Variants in DMD observed in about 807,000 individuals in gnomAD.
DMD encodes the protein mutant dystrophin.
DMD carries 63 observed loss-of-function variants against 330.1 expected under a neutral mutation model. That is an observed-to-expected ratio of 0.19 (90% CI 0.16 to 0.24). The LOEUF (loss-of-function observed/expected upper bound fraction) is 0.24, where lower values mean the gene tolerates loss of function less well. DMD is among the 10% of genes least tolerant of loss of function. DMD has a pLI of 1.00. For synonymous variants in DMD, 1,223 were observed against 959.8 expected, an observed-to-expected ratio of 1.27 and a Z score of -5.07; for missense variants, 3,344 against 2,684.1, an observed-to-expected ratio of 1.25 and a Z score of -5.43.
intron 2 of DMD, among the ~76,000 whole-genome samples, chrX:32,954,995 A>C (rs1272844880): frequency 1.8e-5 from 2 of 111,899 alleles, no homozygotes; most frequent in Admixed American, 9.5e-5. Flanking sequence ...TAGTGCTGCA[A>C]TGAACATACG....
At chrX:31,850,991 T>A (rs898064431) in intron 48 of DMD, among the ~76,000 whole-genome samples, 1 of 112,509 alleles carries the variant, frequency 8.9e-6, no homozygotes, top group African/African-American at 3.2e-5. Context: ...TGAAATGGAA[T>A]CAATATTGTG....
At chrX:31,445,876 C>G (rs1371385109) in intron 59 of DMD, among the ~76,000 whole-genome samples, 1 of 112,047 alleles carries the variant, frequency 8.9e-6, no homozygotes, top group African/African-American at 3.2e-5. Context: ...CCAAATGTTC[C>G]AATAAGCAAT....
At chrX:32,679,598 T>A (rs1427165048) in intron 9 of DMD, among the ~76,000 whole-genome samples, 1 of 110,348 alleles carries the variant, frequency 9.1e-6, no homozygotes, top group Non-Finnish European at 1.9e-5. Flanking sequence ...TGTCAGGCAG[T>A]GAGAAAAAAT....
intron 44 of DMD, among the ~76,000 whole-genome samples, chrX:32,199,552 A>C: frequency 9.4e-6 from 1 of 106,079 alleles, no homozygotes; most frequent in Non-Finnish European, 1.9e-5. Context: ...AGGGGTGTGA[A>C]GGGGGAGGGG....
intron 47 of DMD, among the ~76,000 whole-genome samples, chrX:31,881,281 G>A (rs990111481): frequency 1.8e-5 from 2 of 109,901 alleles, no homozygotes; most frequent in Admixed American, 9.7e-5. Context: ...GGCCAGGCGC[G>A]GTGGCTCACG....
At chrX:33,158,505 C>T (rs1010086243) in intron 1 of DMD, among the ~76,000 whole-genome samples, 5 of 111,466 alleles carry the variant, frequency 4.5e-5, no homozygotes, top group African/African-American at 1.6e-4. Flanking sequence ...GTTCCTTGAC[C>T]TCCCCTCTGA....
chrX:32,827,729 C>G (rs1352788314), intron 4 of DMD, among the ~76,000 whole-genome samples: 2 of 105,793 alleles, frequency 1.9e-5, no homozygotes, highest in Non-Finnish European at 3.9e-5. Flanking sequence ...GGCACGATCT[C>G]GGCTCACCAC....
At position 33,177,387 on chromosome X, in the gene DMD, T is replaced by C. The variant is rs914223585; in HGVS notation, c.31+33895A>G. On this transcript the variant is annotated intron_variant, in intron 1 of 78. Coordinates refer to ENST00000357033, the MANE Select transcript of DMD (RefSeq NM_004006.3). ...CAAACGGAAATTTTATTTTATTTTG[T>C]TTTATTTATTTTTTTGAGACAGGGT... Among the ~76,000 whole-genome samples the C allele has an allele frequency of 5.9e-4, 66 of 111,435 alleles. No homozygotes were observed. The East Asian group carries it at 0.016, about 28-fold the overall frequency.
At position 31,168,765 on chromosome X, in the gene DMD, T is replaced by C. The variant is rs138609348; in HGVS notation, c.10553+678A>G. Reference sequence around the variant, plus strand: ...CAAGGGACCTGTGACATAATAAATGTAATACAGAACTGAAAGTCCAATGAT... The same window carrying C: ...CAAGGGACCTGTGACATAATAAATGCAATACAGAACTGAAAGTCCAATGAT... On this transcript the variant is annotated intron_variant, in intron 74 of 78. Transcript: ENST00000357033. 2.5e-3 allele frequency among the ~76,000 whole-genome samples: 283 copies of C among 112,182 alleles called. 7 individuals carry two copies. The East Asian group carries it at 0.069, about 27-fold the overall frequency.
Position 31,957,057 on chromosome X carries a change from G to A in DMD, c.6614+11282C>T, listed in dbSNP as rs972243698. On this transcript the variant is annotated intron_variant, in intron 45 of 78. Transcript: ENST00000357033. ...TACATCTAGTGTATGGGGGCCAGAC[G>A]TCGTGGCACATGCCTGTAATCCCAG... Among the ~76,000 whole-genome samples the A allele has an allele frequency of 5.4e-5, 6 of 111,835 alleles. No individual in the cohort carries two copies. The East Asian group carries it at 1.1e-3, about 21-fold the overall frequency.
intron 16 of DMD, among the ~76,000 whole-genome samples, chrX:32,559,063 G>A (rs1350972810): frequency 9.9e-6 from 1 of 100,658 alleles, no homozygotes; most frequent in African/African-American, 3.7e-5. Context: ...CAATTCTCCT[G>A]CCTCAGCCTC....
intron 29 of DMD, among the ~76,000 whole-genome samples, chrX:32,416,901 G>A (rs960491053): frequency 2.7e-5 from 3 of 111,725 alleles, no homozygotes; most frequent in African/African-American, 9.8e-5. Context: ...AGTGGATCAA[G>A]CAATAGTTCA....
intron 43 of DMD, among the ~76,000 whole-genome samples, chrX:32,267,568 A>G (rs1181405641): frequency 8.9e-6 from 1 of 112,352 alleles, no homozygotes. Flanking sequence ...AGCAAGTCAT[A>G]GAAGCCTCCA....
chrX:32,491,719 A>G (rs1389960129), intron 19 of DMD, among the ~76,000 whole-genome samples: 1 of 112,054 alleles, frequency 8.9e-6, no homozygotes, highest in African/African-American at 3.2e-5. Flanking sequence ...CACAACAATG[A>G]ATATCAATGC....
rs199974153 is a variant in DMD at position 31,147,411 on chromosome X, C to A, written c.10661G>T (p.Arg3554Leu). The change falls in exon 75 of 79, where the codon CGG (arginine) becomes CTG (leucine). Residue 3554 changes from arginine to leucine, a missense_variant. Transcript: ENST00000357033. ...GGCCTCAGCAATGAGCTCAGCATCC[C>A]GGGGACTCTGGGGAGAGGTGGGCAT... ...EMMPTSPQSPRDAELIAEAKL... is the reference protein window; with the variant it reads ...EMMPTSPQSPLDAELIAEAKL... The A allele has an allele frequency of 1.7e-6, 2 of 1,209,549 alleles. No individual in the cohort carries two copies. The highest frequency in any genetic ancestry group is 4.4e-5 in the Admixed American group (2 of 45,753).
intron 9 of DMD, among the ~76,000 whole-genome samples, chrX:32,671,119 A>G (rs962136899): frequency 2.7e-5 from 3 of 111,021 alleles, no homozygotes; most frequent in African/African-American, 9.8e-5. Flanking sequence ...TAATATCTCA[A>G]TGTCAATACT....
upstream of DMD, among the ~76,000 whole-genome samples, chrX:33,213,919 T>C (rs1168457198): frequency 1.8e-5 from 2 of 111,509 alleles, no homozygotes; most frequent in Non-Finnish European, 3.8e-5. Context: ...CCCTTTACAG[T>C]CACAACAGTC....
intron 9 of DMD, among the ~76,000 whole-genome samples, chrX:32,658,734 C>A (rs1468588768): frequency 2.7e-5 from 3 of 111,090 alleles, no homozygotes; most frequent in Non-Finnish European, 5.7e-5. Context: ...ACTGCCCTCC[C>A]CCTGCCCTAC....
At chrX:33,181,838 G>C (rs775949695) in intron 1 of DMD, among the ~76,000 whole-genome samples, 63 of 111,880 alleles carry the variant, frequency 5.6e-4, no homozygotes, top group African/African-American at 2.0e-3. Flanking sequence ...CAGCAGATTA[G>C]CTTCCTTCAA....
Sources: gnomAD v4.1 joint callset for allele counts (sites outside exome capture counted in the v4.1 genomes callset) on GRCh38, gnomAD v4.1.1 for gene constraint, MANE v1.5 for transcripts, NCBI Gene and HGNC (gene_info 2026-07-23, HGNC 2026-07-21) for gene names.